Variants in YWHAH observed in about 807,000 individuals in gnomAD.
YWHAH encodes the protein tyrosine 3-monooxygenase/tryptophan 5-monooxygenase activation protein eta, also known as 14-3-3 protein eta.
A neutral mutation model predicts 22.9 loss-of-function variants in YWHAH; 6 were observed. The ratio of observed to expected loss-of-function variants is 0.26; its 90% CI spans 0.14 to 0.52. YWHAH has a LOEUF of 0.52. YWHAH is among the 20% of genes least tolerant of loss of function. The probability of loss-of-function intolerance (pLI) is 0.97; values close to 1 mark genes in which losing one functional copy is unlikely to be tolerated. For synonymous variants in YWHAH, 135 were observed against 124.5 expected (o/e 1.08, Z -0.56); for missense variants, 173 against 308.6 (o/e 0.56, Z 3.29).
In YWHAH at chr22:31,944,858, G is replaced by T. The variant is rs770079865; in HGVS notation, c.87+38G>T. The stretch of plus-strand genomic sequence containing the variant: ...GGAGCCCGGGCGGCTGGCCGGGGGG[G>T]GCCTGGCGTTGGGGAGGGACGGGGA... On this transcript the variant is annotated intron_variant, in intron 1 of 1. Coordinates refer to ENST00000248975, the MANE Select transcript of YWHAH (RefSeq NM_003405.4). The T allele has an allele frequency of 1.0e-4, 133 of 1,315,974 alleles. 1 individual carries two copies. The highest frequency in any genetic ancestry group is 2.3e-4 in the South Asian group (13 of 56,572). The allele number at this position is 1,315,974 out of a possible 1,614,324, so 81.5% of individuals were successfully genotyped here.
chr22:31,950,352 T>C (rs1446100125), intron 1 of YWHAH: 5 of 779,622 alleles, frequency 6.4e-6, no homozygotes, highest in Non-Finnish European at 9.6e-6. Context: ...AGGCAGCTTG[T>C]CTTCTGTCCC....
rs1257978484 is a variant in YWHAH at position 31,956,328 on chromosome 22, C to A, written c.277C>A (p.Leu93Met). ...TTACCGGGAGAAGATTGAGAAGGAG[C>A]TGGAGACAGTTTGCAATGATGTCCT... is the stretch of plus-strand genomic sequence containing the variant. The part of the protein sequence containing the change: ...KAYREKIEKE[L>M]ETVCNDVLSL... Residue 93 changes from leucine (L) to methionine (M), a missense_variant, in exon 2 of 2, where the codon CTG (leucine) becomes ATG (methionine). Physicochemically the swap from Leu to Met is conservative, Grantham distance 15 (BLOSUM62 2). Coordinates refer to ENST00000248975, the MANE Select transcript of YWHAH (RefSeq NM_003405.4). This position sits in a 1 kb window ranked among gnomAD's most constrained non-coding sequence, Gnocchi z 5.1. The A allele has an allele frequency of 2.5e-6, 4 of 1,614,000 alleles. No homozygotes were observed. The highest frequency in any genetic ancestry group is 3.4e-6 in the Non-Finnish European group (4 of 1,180,046).
chr22:31,950,014 CAG>C (rs1416563713), intron 1 of YWHAH, among the ~76,000 whole-genome samples: 1 of 127,604 alleles, frequency 7.8e-6, no homozygotes, highest in African/African-American at 2.8e-5. Context: ...TTAGCTACAA[CAG>C]AGAAACATAA....
chr22:31,945,382 G>A (rs777716117), intron 1 of YWHAH: 180 of 1,288,172 alleles, frequency 1.4e-4, no homozygotes, highest in Non-Finnish European at 1.7e-4. Flanking sequence ...CCCCTTTCCT[G>A]CAGTCTAGGC....
chr22:31,948,584 A>G (rs1257128119), intron 1 of YWHAH, among the ~76,000 whole-genome samples: 1 of 152,076 alleles, frequency 6.6e-6, no homozygotes, highest in Admixed American at 6.5e-5. Context: ...TATGGTACCC[A>G]AGTTGGTCTC....
chr22:31,946,314 T>C (rs984290613), intron 1 of YWHAH, among the ~76,000 whole-genome samples: 2 of 152,198 alleles, frequency 1.3e-5, no homozygotes, highest in African/African-American at 2.4e-5. Flanking sequence ...ATCTAAAATA[T>C]AGTTTTGCAT....
rs549266307 is a variant in YWHAH, at chr22:31,944,984, G to A, written c.87+164G>A. ...AGCCCGCGCTTCCCGCTCCCGCTGG[G>A]CGCCCCGCCACTTCCTGAGGCTGGG... On this transcript the variant is annotated intron_variant, in intron 1 of 1. Coordinates refer to ENST00000248975, the MANE Select transcript of YWHAH (RefSeq NM_003405.4). 1.3e-3 allele frequency: 1,433 copies of A among 1,120,336 alleles called. 3 individuals are homozygous for A. Among genetic ancestry groups the A allele is most frequent in the Non-Finnish European group, 1.5e-3 (1,332 of 915,962 alleles). The allele number at this position is 1,120,336 out of a possible 1,614,324, so 69.4% of individuals were successfully genotyped here.
chr22:31,955,483 G>A (rs963667733), intron 1 of YWHAH, among the ~76,000 whole-genome samples: 4 of 133,848 alleles, frequency 3.0e-5, no homozygotes, highest in African/African-American at 1.1e-4. Context: ...GGCTTGCTCT[G>A]TCGCTAGCTA....
chr22:31,947,494 G>A (rs1410070421), intron 1 of YWHAH: 1 of 471,334 alleles, frequency 2.1e-6, no homozygotes, highest in Admixed American at 2.4e-5. Context: ...TGGTAAGCTT[G>A]AAGAAAAATC....
rs1169775111 is a variant in YWHAH, at chr22:31,945,200, TCCTC to T, written c.87+382_87+385del. ...GACCCGGGGGCTCCCCCTCTCGTCT[TCCTC>T]CGTTCCCCAACTTGGAATAAAGAAT... is the stretch of plus-strand genomic sequence containing the variant. On this transcript the variant is annotated intron_variant, in intron 1 of 1. Coordinates refer to ENST00000248975, the MANE Select transcript of YWHAH (RefSeq NM_003405.4). 2.3e-5 allele frequency: 26 copies of T among 1,115,568 alleles called. No individual in the cohort carries two copies. In the African/African-American group the frequency reaches 3.9e-4, roughly 17 times the overall value. 69.1% of individuals were successfully genotyped at this position (1,115,568 alleles called of 1,614,324 possible).
In YWHAH at chr22:31,944,823, G is replaced by A; in HGVS notation, c.87+3G>A. 1.5e-6 allele frequency: 2 copies of A among 1,378,960 alleles called. No individual in the cohort carries two copies. Among genetic ancestry groups the A allele is most frequent in the Non-Finnish European group, 1.9e-6 (2 of 1,057,568 alleles). 85.4% of individuals were successfully genotyped at this position (1,378,960 alleles called of 1,614,324 possible). A position where few individuals can be genotyped will look rare whatever the true frequency, so the allele number is the denominator to read the frequency against. On this transcript the variant is annotated splice_donor_region_variant and intron_variant, in intron 1 of 1. Coordinates refer to ENST00000248975, the MANE Select transcript of YWHAH (RefSeq NM_003405.4). ...ACATGGCCTCCGCTATGAAGGCGGT[G>A]AGCGCGCCGGGAGCCCGGGCGGCTG...
chr22:31,949,136 C>CTTTTTT lies in YWHAH; in HGVS notation c.87+4333_87+4338dup, dbSNP rs760273556. Among the ~76,000 whole-genome samples the CTTTTTT allele has an allele frequency of 2.0e-3, 200 of 99,034 alleles. 1 individual carries two copies. The highest frequency in any genetic ancestry group is 2.6e-3 in the Non-Finnish European group (133 of 52,014). The allele number at this position is 99,034 out of a possible 152,430, so 65.0% of individuals were successfully genotyped here. ...TAGCAAGTTTATATAACATATTTTA[C>CTTTTTT]TTTTTTTTTTTTTTTTTTTTTTGAG... On this transcript the variant is annotated intron_variant, in intron 1 of 1. Coordinates refer to ENST00000248975, the MANE Select transcript of YWHAH (RefSeq NM_003405.4).
intron 1 of YWHAH, chr22:31,945,418 G>A: frequency 7.7e-7 from 1 of 1,302,152 alleles, no homozygotes; most frequent in Non-Finnish European, 1.0e-6. Context: ...AGAGTGGGCG[G>A]AGGGTGTGGG....
chr22:31,952,315 C>G (rs1256151950), intron 1 of YWHAH, among the ~76,000 whole-genome samples: 1 of 152,168 alleles, frequency 6.6e-6, no homozygotes. Flanking sequence ...GTTCTCCTGG[C>G]TCCTGTATTT....
chr22:31,946,135 G>A (rs1021781238), intron 1 of YWHAH, among the ~76,000 whole-genome samples: 2 of 152,144 alleles, frequency 1.3e-5, no homozygotes, highest in African/African-American at 4.8e-5. Flanking sequence ...ACATAACTGG[G>A]TGTGTTTGGA....
At chr22:31,950,391 T>C in intron 1 of YWHAH, 1 of 779,554 alleles carries the variant, frequency 1.3e-6, no homozygotes, top group East Asian at 2.4e-5. Flanking sequence ...CCGCCCCTAC[T>C]CCTGGCTGCA....
At chr22:31,952,486 C>T (rs531482291) in intron 1 of YWHAH, among the ~76,000 whole-genome samples, 1 of 152,310 alleles carries the variant, frequency 6.6e-6, no homozygotes, top group East Asian at 1.9e-4. Flanking sequence ...AGTAAGCCAT[C>T]TTCATTTCAT....
At chr22:31,944,860 C>G (rs1463257857) in intron 1 of YWHAH, 40 bp downstream of exon 1, 5 of 1,308,222 alleles carry the variant, frequency 3.8e-6, no homozygotes, top group South Asian at 1.8e-5. Context: ...CCGGGGGGGG[C>G]CTGGCGTTGG....
At chr22:31,947,507 G>C (rs1036855574) in intron 1 of YWHAH, 1 of 471,054 alleles carries the variant, frequency 2.1e-6, no homozygotes, top group African/African-American at 2.0e-5. Context: ...GAAAAATCGT[G>C]CATACTGGAA....
Sources: gnomAD v4.1 joint callset for allele counts (sites outside exome capture counted in the v4.1 genomes callset) on GRCh38, gnomAD v4.1.1 for gene constraint, Gnocchi (gnomAD v3.1) non-coding constraint, MANE v1.5 for transcripts, NCBI Gene and HGNC (gene_info 2026-07-23, HGNC 2026-07-21) for gene names.